The following ADGRF3 variants were observed in gnomAD, a reference collection of about 807,000 sequenced individuals.
The protein encoded by ADGRF3 is adhesion G protein-coupled receptor F3.
Under a neutral mutation model 93.2 loss-of-function variants are expected in ADGRF3, and 85 were observed. The observed-to-expected ratio is 0.91, with a 90% CI of 0.77 to 1.09. The LOEUF is 1.09. ADGRF3 is among the 50% of genes least tolerant of loss of function. ADGRF3 has a pLI of 0.00. For missense variants in ADGRF3, 1,125 were observed against 1,246.2 expected (o/e 0.90, Z 1.46); for synonymous variants, 534 against 532.5 (o/e 1.00, Z -0.04).
chr2:26,344,787 CG>C (rs1676606039), intron 1 of ADGRF3, among the ~76,000 whole-genome samples: 1 of 152,144 alleles, frequency 6.6e-6, no homozygotes, highest in African/African-American at 2.4e-5. Flanking sequence ...GCCGTGATCA[CG>C]TCACTGCATT....
At chr2:26,315,816 C>A (rs1287516050) in intron 4 of ADGRF3, 76 bp from the exon 5 acceptor site, 1 of 1,536,220 alleles carries the variant, frequency 6.5e-7, no homozygotes, top group Admixed American at 2.0e-5. Flanking sequence ...AATGGCTTCT[C>A]CCCTGACTCT....
chr2:26,327,038 G>A (rs1425087604), intron 1 of ADGRF3, among the ~76,000 whole-genome samples: 1 of 152,228 alleles, frequency 6.6e-6, no homozygotes, highest in Non-Finnish European at 1.5e-5. Flanking sequence ...CCGAAGTGCT[G>A]GGATTACAGG....
intron 1 of ADGRF3, 195 bp downstream of exon 1, chr2:26,345,926 T>C: frequency 1.7e-6 from 1 of 571,682 alleles, no homozygotes; most frequent in Non-Finnish European, 3.0e-6. Flanking sequence ...CGAAGAGAGC[T>C]GGAAGGCGGG....
chr2:26,310,775 T>C lies in ADGRF3; in HGVS notation c.2749A>G (p.Thr917Ala). The C allele has an allele frequency of 6.2e-7, 1 of 1,613,480 alleles. No homozygotes were observed. The highest frequency in any genetic ancestry group is 8.5e-7 in the Non-Finnish European group (1 of 1,179,682). ...LLILTPIFGL[T>A]WGLGLATLLE... ...AGAGTGGCCAGGCCCAGCCCCCAGGTGAGGCCAAAGATGGGTGTAAGAATG... is the reference window on the plus strand; with the variant it reads ...AGAGTGGCCAGGCCCAGCCCCCAGGCGAGGCCAAAGATGGGTGTAAGAATG... Residue 917 changes from threonine to alanine, a missense_variant, in exon 10 of 14, where the codon ACC (threonine) becomes GCC (alanine). Transcript: ENST00000651242.
At chr2:26,343,986 G>C (rs374709172) in intron 1 of ADGRF3, among the ~76,000 whole-genome samples, 1 of 152,186 alleles carries the variant, frequency 6.6e-6, no homozygotes. Flanking sequence ...GAAAATATCA[G>C]AGGTAGAAAA....
intron 9 of ADGRF3, 94 bp from the exon 10 acceptor site, chr2:26,312,168 C>T (rs1371240712): frequency 7.9e-7 from 1 of 1,259,004 alleles, no homozygotes; most frequent in East Asian, 2.3e-5. Context: ...ACCTTCCCTT[C>T]CCAGTCCAGT....
At chr2:26,316,219 T>C in intron 4 of ADGRF3, 56 bp downstream of exon 4, 1 of 1,506,830 alleles carries the variant, frequency 6.6e-7, no homozygotes. Context: ...AGAAAACCAC[T>C]GAGAACATTT....
intron 1 of ADGRF3, chr2:26,317,960 A>G: frequency 8.2e-6 from 11 of 1,343,578 alleles, no homozygotes; most frequent in Non-Finnish European, 1.1e-5. Flanking sequence ...CAGGGTGAGC[A>G]GAAGGCAGCC....
At chr2:26,318,726 CAT>C (rs1674919568) in intron 1 of ADGRF3, 1 of 590,412 alleles carries the variant, frequency 1.7e-6, no homozygotes, top group African/African-American at 1.9e-5. Context: ...CAGCAGGTAT[CAT>C]ATGAGTTTAC....
intron 9 of ADGRF3, 35 bp downstream of exon 9, chr2:26,312,908 C>G: frequency 6.4e-7 from 1 of 1,566,542 alleles, no homozygotes; most frequent in Non-Finnish European, 8.7e-7. Context: ...CCCCCGACTG[C>G]CCAGCTGGCC....
At chr2:26,318,543 C>G (rs978222352) in intron 1 of ADGRF3, among the ~76,000 whole-genome samples, 1 of 152,090 alleles carries the variant, frequency 6.6e-6, no homozygotes, top group East Asian at 1.9e-4. Context: ...ATAGACATAG[C>G]CATAGATATA....
chr2:26,337,252 C>T (rs1676107565), intron 1 of ADGRF3, among the ~76,000 whole-genome samples: 1 of 152,212 alleles, frequency 6.6e-6, no homozygotes, highest in Non-Finnish European at 1.5e-5. Flanking sequence ...TTGTGATTTG[C>T]TTTGTCTGGC....
rs80010629 is a variant in ADGRF3, at chr2:26,312,859, T to A, written c.1449+84A>T. The A allele has an allele frequency of 5.6e-3, 7,394 of 1,318,956 alleles. 209 individuals are homozygous for A. In the African/African-American group the frequency reaches 0.079, roughly 14 times the overall value. The allele number at this position is 1,318,956 out of a possible 1,614,324, so 81.7% of individuals were successfully genotyped here. A position where few individuals can be genotyped will look rare whatever the true frequency, so the allele number is the denominator to read the frequency against. ...TGCTGCCCAACAGCCCATGGTGACATCAGAGGGACAGAAATGCCCACAGGT... is the reference window on the plus strand; with the variant it reads ...TGCTGCCCAACAGCCCATGGTGACAACAGAGGGACAGAAATGCCCACAGGT... On this transcript the variant is annotated intron_variant, in intron 9 of 13. Transcript: ENST00000651242.
chr2:26,340,820 A>C (rs1676347901), intron 1 of ADGRF3, among the ~76,000 whole-genome samples: 1 of 152,218 alleles, frequency 6.6e-6, no homozygotes, highest in South Asian at 2.1e-4. Flanking sequence ...CCCAGTGTAA[A>C]ACTTTGCCTG....
rs552807914 is a variant in ADGRF3, at chr2:26,324,450, T to TA, written c.115-6889dup. Among the ~76,000 whole-genome samples the TA allele has an allele frequency of 3.3e-3, 502 of 152,292 alleles. 2 individuals carry two copies. Among genetic ancestry groups the TA allele is most frequent in the African/African-American group, 0.012 (487 of 41,560 alleles). ...ACAGATTATTTCATCACCCAGGTAT[T>TA]AAGCCTAGTACCCATTAGTTATTTT... On this transcript the variant is annotated intron_variant, in intron 1 of 13. Transcript: ENST00000651242.
At chr2:26,317,753 C>T (rs1179914871) in intron 1 of ADGRF3, among the ~76,000 whole-genome samples, 191 bp from the exon 2 acceptor site, 1 of 152,216 alleles carries the variant, frequency 6.6e-6, no homozygotes, top group Non-Finnish European at 1.5e-5. Context: ...AGGAACCCTG[C>T]TATCCCACCC....
chr2:26,327,140 G>C (rs1179783082), intron 1 of ADGRF3, among the ~76,000 whole-genome samples: 1 of 152,128 alleles, frequency 6.6e-6, no homozygotes, highest in East Asian at 1.9e-4. Flanking sequence ...AACCAAGTGG[G>C]AACAATTTCT....
intron 1 of ADGRF3, among the ~76,000 whole-genome samples, chr2:26,330,840 G>A (rs1356952127): frequency 2.6e-5 from 4 of 152,138 alleles, no homozygotes; most frequent in Admixed American, 1.3e-4. Context: ...CCACCAGTTC[G>A]GTGGTATGTT....
At chr2:26,316,640 G>C (rs920590132) in intron 3 of ADGRF3, among the ~76,000 whole-genome samples, 192 bp from the exon 4 acceptor site, 1 of 152,276 alleles carries the variant, frequency 6.6e-6, no homozygotes, top group South Asian at 2.1e-4. Flanking sequence ...CAGATGTCTC[G>C]GGGGCCAGGG....
Sources: allele counts gnomAD v4.1 joint callset (sites outside exome capture counted in the v4.1 genomes callset), GRCh38; gene constraint gnomAD v4.1.1; transcripts MANE v1.5; gene names NCBI Gene and HGNC (gene_info 2026-07-23, HGNC 2026-07-21).